SLC25A21: variants seen among roughly 807,000 people sequenced by gnomAD.
SLC25A21 encodes mitochondrial 2-oxodicarboxylate carrier.
SLC25A21 carries 47 observed loss-of-function variants against 43.8 expected under a neutral mutation model. The observed-to-expected ratio is 1.07, with a 90% confidence interval of 0.85 to 1.37. The LOEUF (loss-of-function observed/expected upper bound fraction) is 1.37. SLC25A21 is among the 40% of genes most tolerant of loss of function. The pLI is 0.00. For missense variants in SLC25A21, 352 were observed against 350.2 expected, an observed-to-expected ratio of 1.00 and a Z score of -0.04; for synonymous variants, 131 against 121.3, an observed-to-expected ratio of 1.08 and a Z score of -0.52.
intron 1 of SLC25A21, among the ~76,000 whole-genome samples, chr14:37,118,704 C>T (rs180899716): frequency 1.5e-3 from 231 of 152,248 alleles, no homozygotes; most frequent in Admixed American, 3.7e-3. Context: ...ATTCCCTGGA[C>T]TATCTTTTCT....
intron 1 of SLC25A21, among the ~76,000 whole-genome samples, chr14:36,905,248 A>G (rs530673880): frequency 1.2e-4 from 18 of 152,284 alleles, no homozygotes; most frequent in Middle Eastern, 6.8e-3. Context: ...AACAGAGGCC[A>G]CCCATTTCAG....
intron 1 of SLC25A21, among the ~76,000 whole-genome samples, chr14:36,995,394 T>A (rs1438522165): frequency 6.6e-6 from 1 of 152,200 alleles, no homozygotes; most frequent in African/African-American, 2.4e-5. Context: ...TTTATAATAG[T>A]AAAGGCTTTG....
chr14:37,108,039 A>G (rs550492214), intron 1 of SLC25A21, among the ~76,000 whole-genome samples: 30 of 152,272 alleles, frequency 2.0e-4, no homozygotes, highest in Non-Finnish European at 4.1e-4. Context: ...TTCTACTACC[A>G]TGGGCAAGGC....
intron 3 of SLC25A21, among the ~76,000 whole-genome samples, chr14:36,736,028 C>A (rs1416823341): frequency 6.6e-6 from 1 of 150,432 alleles, no homozygotes; most frequent in Non-Finnish European, 1.5e-5. Context: ...CTCCACCTCC[C>A]GGGTTCACGC....
intron 1 of SLC25A21, among the ~76,000 whole-genome samples, chr14:36,929,625 T>A (rs992179231): frequency 2.0e-5 from 3 of 152,162 alleles, no homozygotes; most frequent in Admixed American, 6.5e-5. Context: ...AGAGTAAGCA[T>A]CATGGAAATA....
chr14:36,748,077 T>C (rs151042193), intron 3 of SLC25A21, among the ~76,000 whole-genome samples: 228 of 152,356 alleles, frequency 1.5e-3, no homozygotes, highest in Middle Eastern at 0.01. Flanking sequence ...ACTTTCCTAG[T>C]AGTGAAACAG....
At chr14:36,902,630 A>C (rs1594680854) in intron 1 of SLC25A21, among the ~76,000 whole-genome samples, 1 of 152,188 alleles carries the variant, frequency 6.6e-6, no homozygotes, top group South Asian at 2.1e-4. Flanking sequence ...TGCTAGTGTT[A>C]ATTTTTACGG....
chr14:37,130,364 G>A (rs1209685301), intron 1 of SLC25A21, among the ~76,000 whole-genome samples: 1 of 152,180 alleles, frequency 6.6e-6, no homozygotes. Context: ...GAATAAAAAT[G>A]AAACTAAGTC....
chr14:37,131,816 G>A (rs1963396181), intron 1 of SLC25A21, among the ~76,000 whole-genome samples: 1 of 152,050 alleles, frequency 6.6e-6, no homozygotes, highest in Non-Finnish European at 1.5e-5. Context: ...TGGGACCACT[G>A]GTGCATGCCA....
intron 1 of SLC25A21, among the ~76,000 whole-genome samples, chr14:36,975,828 C>T (rs1258298036): frequency 6.6e-6 from 1 of 152,192 alleles, no homozygotes; most frequent in Admixed American, 6.5e-5. Context: ...GATGGAGCAA[C>T]AGTCACAGGA....
chr14:36,683,086 T>TA (rs530487685), intron 9 of SLC25A21, among the ~76,000 whole-genome samples: 40 of 152,172 alleles, frequency 2.6e-4, no homozygotes, highest in Admixed American at 1.7e-3. Context: ...TGTAGCCTGA[T>TA]AAAAAAAATA....
chr14:37,059,373 T>G (rs899012034), intron 1 of SLC25A21, among the ~76,000 whole-genome samples: 1 of 152,220 alleles, frequency 6.6e-6, no homozygotes, highest in Admixed American at 6.5e-5. Context: ...AAGAGTCTGG[T>G]AACCGAGTCT....
chr14:37,172,477 G>A lies in SLC25A21; in HGVS notation c.-127C>T, dbSNP rs778881506. The A allele has an allele frequency of 1.7e-5, 16 of 955,546 alleles. No individual in the cohort carries two copies. The highest frequency in any genetic ancestry group is 2.6e-5 in the Non-Finnish European group (16 of 604,106). 59.2% of individuals were successfully genotyped at this position (955,546 alleles called of 1,614,324 possible). On this transcript the variant is annotated 5_prime_UTR_variant, in exon 1 of 10. Transcript: ENST00000331299. ...AAGCGCGTTGGCTCCCTGTGGAGCA[G>A]CAATCCGGCGACTGCTGGAAAGCGA...
intron 1 of SLC25A21, among the ~76,000 whole-genome samples, chr14:37,161,273 AG>A (rs2138948732): frequency 6.6e-6 from 1 of 152,304 alleles, no homozygotes; most frequent in East Asian, 1.9e-4. Context: ...AATTCTGCAA[AG>A]ATTAGATAAA....
chr14:37,093,397 C>T (rs765227481), intron 1 of SLC25A21, among the ~76,000 whole-genome samples: 10 of 152,200 alleles, frequency 6.6e-5, no homozygotes, highest in East Asian at 1.9e-4. Flanking sequence ...ATGTTACCCA[C>T]GCTTCATTCA....
At chr14:36,710,980 T>C (rs1336793688) in intron 7 of SLC25A21, among the ~76,000 whole-genome samples, 3 of 152,166 alleles carry the variant, frequency 2.0e-5, no homozygotes, top group Non-Finnish European at 4.4e-5. Context: ...AAAAATTAAG[T>C]AATAACATAG....
At chr14:37,037,786 C>A (rs900836441) in intron 1 of SLC25A21, among the ~76,000 whole-genome samples, 1 of 152,146 alleles carries the variant, frequency 6.6e-6, no homozygotes, top group African/African-American at 2.4e-5. Context: ...GATGTCAAAT[C>A]ATGTCCCTCC....
intron 1 of SLC25A21, among the ~76,000 whole-genome samples, chr14:37,088,263 T>A (rs2415384): frequency 0.92 from 139,919 of 152,214 alleles, 64,419 homozygotes; most frequent in East Asian, 1. Flanking sequence ...AAATATCCTG[T>A]ACTGAAAATA....
chr14:36,712,003 G>A lies in SLC25A21; in HGVS notation c.439-521C>T, dbSNP rs188617195. ...ATAAATTGGCCATAAATAAATAGCT[G>A]TTGATTGTACACGTCCTCAAGCAGA... On this transcript the variant is annotated intron_variant, in intron 6 of 9. Coordinates refer to ENST00000331299, the MANE Select transcript of SLC25A21 (RefSeq NM_030631.4). Among the ~76,000 whole-genome samples the A allele has an allele frequency of 5.3e-5, 8 of 152,264 alleles. No individual in the cohort carries two copies. The East Asian group carries it at 1.5e-3, about 29-fold the overall frequency.
Sources: gnomAD v4.1 joint callset for allele counts (sites outside exome capture counted in the v4.1 genomes callset) on GRCh38, gnomAD v4.1.1 for gene constraint, MANE v1.5 for transcripts, NCBI Gene and HGNC (gene_info 2026-07-23, HGNC 2026-07-21) for gene names.